Variants in NOL4 observed in about 807,000 individuals in gnomAD.
NOL4 encodes nucleolar protein 4, also known as cancer/testis antigen 125.
A neutral mutation model predicts 75.9 loss-of-function variants in NOL4; 17 were observed. That is an observed-to-expected ratio of 0.22 (90% CI 0.15 to 0.34). The LOEUF is 0.34. Ranked by LOEUF, NOL4 falls within the 10% of genes least tolerant of loss-of-function variation. NOL4 has a pLI of 1.00. For synonymous variants in NOL4, 292 were observed against 289.9 expected (o/e 1.01, Z -0.07); for missense variants, 614 against 793.5 (o/e 0.77, Z 2.72).
At chr18:34,114,883 AT>A (rs1232260299) in intron 2 of NOL4, among the ~76,000 whole-genome samples, 2 of 152,102 alleles carry the variant, frequency 1.3e-5, no homozygotes, top group African/African-American at 4.8e-5. Context: ...AAAAAAAAAA[AT>A]TTCAAGAAAC....
chr18:33,875,935 G>A (rs1265884530), intron 10 of NOL4, among the ~76,000 whole-genome samples: 3 of 151,960 alleles, frequency 2.0e-5, no homozygotes, highest in Non-Finnish European at 2.9e-5. Flanking sequence ...ACACATGCAG[G>A]GGAGTGATCA....
At chr18:34,051,515 C>T (rs923794527) in intron 5 of NOL4, among the ~76,000 whole-genome samples, 1 of 152,050 alleles carries the variant, frequency 6.6e-6, no homozygotes. Context: ...ATAACAATAA[C>T]ATCTCCTTTA....
At chr18:34,141,773 G>A (rs1314994920) in intron 1 of NOL4, among the ~76,000 whole-genome samples, 1 of 152,128 alleles carries the variant, frequency 6.6e-6, no homozygotes, top group Non-Finnish European at 1.5e-5. Flanking sequence ...ATAGGCATGG[G>A]CAAGGACTTC....
At chr18:34,173,700 G>A (rs552979068) in intron 1 of NOL4, among the ~76,000 whole-genome samples, 119 of 152,158 alleles carry the variant, frequency 7.8e-4, no homozygotes, top group African/African-American at 2.4e-3. Context: ...CCTGCTGTGG[G>A]GCTCCACATA....
chr18:34,014,586 T>C (rs985270135), intron 6 of NOL4, among the ~76,000 whole-genome samples: 4 of 152,072 alleles, frequency 2.6e-5, no homozygotes, highest in Admixed American at 2.6e-4. Context: ...TGGTGTTTGA[T>C]TGGCCTTTCA....
At chr18:33,889,537 T>C (rs771442232) in intron 9 of NOL4, among the ~76,000 whole-genome samples, 3 of 152,146 alleles carry the variant, frequency 2.0e-5, no homozygotes, top group Non-Finnish European at 4.4e-5. Flanking sequence ...ACTCATTTTA[T>C]GAGGCTAGCA....
At chr18:33,936,380 G>A (rs2068055714) in intron 9 of NOL4, among the ~76,000 whole-genome samples, 1 of 150,174 alleles carries the variant, frequency 6.7e-6, no homozygotes, top group Non-Finnish European at 1.5e-5. Flanking sequence ...CTGGGCCATT[G>A]GGTTCATGCT....
chr18:34,139,592 C>A (rs181056424), intron 1 of NOL4, among the ~76,000 whole-genome samples: 1 of 151,932 alleles, frequency 6.6e-6, no homozygotes, highest in Non-Finnish European at 1.5e-5. Flanking sequence ...GTCTTGCTAG[C>A]GCTCTATCAA....
intron 1 of NOL4, among the ~76,000 whole-genome samples, chr18:34,160,278 C>T (rs1024279687): frequency 6.6e-6 from 1 of 152,054 alleles, no homozygotes; most frequent in Admixed American, 6.6e-5. Flanking sequence ...CTAAAGTATA[C>T]AAAATGGACC....
At chr18:33,920,203 C>T (rs73955080) in intron 9 of NOL4, among the ~76,000 whole-genome samples, 67 of 151,650 alleles carry the variant, frequency 4.4e-4, no homozygotes, top group Admixed American at 1.1e-3. Context: ...GAGAGAGAGA[C>T]GAGACAGAAG....
At chr18:34,097,790 A>G (rs1051127439) in intron 4 of NOL4, among the ~76,000 whole-genome samples, 4 of 152,120 alleles carry the variant, frequency 2.6e-5, no homozygotes, top group Non-Finnish European at 5.9e-5. Context: ...CTTAATAGAT[A>G]AATTGTTGTT....
intron 8 of NOL4, among the ~76,000 whole-genome samples, chr18:33,944,546 T>C (rs1189657505): frequency 1.3e-5 from 2 of 151,836 alleles, no homozygotes; most frequent in Admixed American, 6.6e-5. Context: ...AGGAAAGGTA[T>C]AGGGTACATA....
chr18:34,202,328 T>A (rs896131813), intron 1 of NOL4, among the ~76,000 whole-genome samples: 1 of 151,952 alleles, frequency 6.6e-6, no homozygotes, highest in Non-Finnish European at 1.5e-5. Context: ...ACTGAAATTG[T>A]TAAGTAATAA....
At chr18:33,956,101 C>T (rs1308708660) in intron 8 of NOL4, among the ~76,000 whole-genome samples, 1 of 152,050 alleles carries the variant, frequency 6.6e-6, no homozygotes, top group Non-Finnish European at 1.5e-5. Context: ...GTTCATAAAG[C>T]TGTGCTTTTT....
At chr18:34,123,857 T>C (rs2080267454) in intron 2 of NOL4, among the ~76,000 whole-genome samples, 1 of 151,562 alleles carries the variant, frequency 6.6e-6, no homozygotes, top group African/African-American at 2.4e-5. Context: ...GTAAAATATC[T>C]ACATTTGAGT....
At chr18:34,214,650 A>AC (rs1389170383) in intron 1 of NOL4, among the ~76,000 whole-genome samples, 1 of 152,140 alleles carries the variant, frequency 6.6e-6, no homozygotes, top group African/African-American at 2.4e-5. Context: ...GATCCAGCAA[A>AC]CCTGCTTCTG....
intron 6 of NOL4, among the ~76,000 whole-genome samples, chr18:34,000,876 C>T (rs943916657): frequency 1.3e-5 from 2 of 151,914 alleles, no homozygotes; most frequent in Non-Finnish European, 2.9e-5. Flanking sequence ...GCTGTTATAA[C>T]AAAGAAGTTA....
intron 6 of NOL4, among the ~76,000 whole-genome samples, chr18:34,017,742 T>C (rs758024301): frequency 2.0e-5 from 3 of 152,172 alleles, no homozygotes; most frequent in Non-Finnish European, 4.4e-5. Context: ...CCTTCAAAGG[T>C]GGACTTTGCT....
chr18:34,194,032 C>A (rs2035116775), intron 1 of NOL4, among the ~76,000 whole-genome samples: 1 of 151,642 alleles, frequency 6.6e-6, no homozygotes, highest in Non-Finnish European at 1.5e-5. Flanking sequence ...CTTGAATAAA[C>A]AGAAGAAGAG....
Sources: allele counts gnomAD v4.1 joint callset (sites outside exome capture counted in the v4.1 genomes callset), GRCh38; gene constraint gnomAD v4.1.1; transcripts MANE v1.5; gene names NCBI Gene and HGNC (gene_info 2026-07-23, HGNC 2026-07-21).